The following CNNM1 variants were observed in gnomAD, a reference collection of about 807,000 sequenced individuals.
CNNM1 encodes metal transporter CNNM1.
A neutral mutation model predicts 78.8 loss-of-function variants in CNNM1; 44 were observed. The ratio of observed to expected loss-of-function variants is 0.56; its 90% CI spans 0.44 to 0.72. The LOEUF is 0.72. Among genes scored for constraint, CNNM1 ranks in the 30% least tolerant of loss-of-function variants. The pLI, the probability that CNNM1 is intolerant of heterozygous loss-of-function variation, is 0.00. For synonymous variants in CNNM1, 584 were observed against 581.5 expected, an observed-to-expected ratio of 1.00 and a Z score of -0.06; for missense variants, 1,101 against 1,292.2, an observed-to-expected ratio of 0.85 and a Z score of 2.27.
chr10:99,376,579 T>C (rs147425393), intron 6 of CNNM1, among the ~76,000 whole-genome samples: 1 of 152,272 alleles, frequency 6.6e-6, no homozygotes, highest in East Asian at 1.9e-4. Flanking sequence ...AAATAAGGTT[T>C]GTGATTGGAG....
intron 6 of CNNM1, among the ~76,000 whole-genome samples, chr10:99,366,430 T>C (rs539270894): frequency 6.6e-6 from 1 of 151,296 alleles, no homozygotes; most frequent in African/African-American, 2.4e-5. Flanking sequence ...AAAAAAGACC[T>C]ACATATGGCT....
At chr10:99,371,073 C>G (rs2031786624) in intron 6 of CNNM1, among the ~76,000 whole-genome samples, 1 of 152,184 alleles carries the variant, frequency 6.6e-6, no homozygotes, top group South Asian at 2.1e-4. Flanking sequence ...TGGGACCTTG[C>G]TGTACCTCTG....
At chr10:99,378,826 TC>T (rs1307302528) in intron 7 of CNNM1, among the ~76,000 whole-genome samples, 3 of 152,140 alleles carry the variant, frequency 2.0e-5, no homozygotes, top group African/African-American at 7.2e-5. Context: ...GCCTCCAGAA[TC>T]CAAGCCCTGA....
At chr10:99,344,676 C>T (rs2030607115) in intron 1 of CNNM1, among the ~76,000 whole-genome samples, 1 of 152,094 alleles carries the variant, frequency 6.6e-6, no homozygotes, top group Admixed American at 6.5e-5. Flanking sequence ...TCACTCTGCT[C>T]TTCCTCAGAC....
chr10:99,356,582 AAGAAAG>A (rs1306087934), intron 1 of CNNM1, among the ~76,000 whole-genome samples: 1 of 125,006 alleles, frequency 8.0e-6, no homozygotes, highest in Non-Finnish European at 1.7e-5. Flanking sequence ...GAAAGAAAGA[AAGAAAG>A]AAAGAAAGAA....
intron 7 of CNNM1, among the ~76,000 whole-genome samples, chr10:99,385,373 T>A (rs1470753636): frequency 6.6e-6 from 1 of 152,152 alleles, no homozygotes; most frequent in Non-Finnish European, 1.5e-5. Flanking sequence ...TACTTTCCCT[T>A]TTGCTTTATT....
At position 99,347,365 on chromosome 10, in the gene CNNM1, A is replaced by G. The variant is rs553830982; in HGVS notation, c.1574-10147A>G. On this transcript the variant is annotated intron_variant, in intron 1 of 10. Coordinates refer to ENST00000356713, the MANE Select transcript of CNNM1 (RefSeq NM_020348.3). ...GAAACCCCATCTCTACTAAAAATAC[A>G]AAAAAATTAGACTGGCATGGTGGCA... Among the ~76,000 whole-genome samples, 13 of 151,878 alleles carry G rather than the reference A, an allele frequency of 8.6e-5. No individual in the cohort carries two copies. In the South Asian group the frequency reaches 2.7e-3, roughly 32 times the overall value.
intron 4 of CNNM1, 132 bp downstream of exon 4, chr10:99,362,528 G>A: frequency 2.3e-6 from 2 of 852,128 alleles, no homozygotes; most frequent in Non-Finnish European, 3.6e-6. Context: ...CAGCTGGGTG[G>A]ACATTTCTTC....
At chr10:99,354,290 G>A (rs937112525) in intron 1 of CNNM1, among the ~76,000 whole-genome samples, 4 of 152,144 alleles carry the variant, frequency 2.6e-5, no homozygotes, top group Admixed American at 1.3e-4. Flanking sequence ...GCCAAACTGG[G>A]TAGGATGTAG....
chr10:99,329,483 T>G lies in CNNM1; in HGVS notation c.96T>G (p.Ser32=). The change falls in exon 1 of 11, where the codon TCT becomes TCG. Residue 32 remains serine, a synonymous_variant. Transcript: ENST00000356713. ...GAVLLLFFSL[S]PRPPAAAAWL... is the part of the protein sequence containing the mutation. ...TGCTCCTGCTCTTCTTTTCCCTGTC[T>G]CCTCGGCCCCCGGCCGCCGCCGCCT... is the stretch of plus-strand genomic sequence containing the variant. 2.7e-6 allele frequency: 4 copies of G among 1,491,990 alleles called. No homozygotes were observed. The highest frequency in any genetic ancestry group is 3.6e-6 in the Non-Finnish European group (4 of 1,117,888). The allele number at this position is 1,491,990 out of a possible 1,614,324, so 92.4% of individuals were successfully genotyped here. A position where few individuals can be genotyped will look rare whatever the true frequency, so the allele number is the denominator to read the frequency against.
At chr10:99,339,403 T>C (rs1164373053) in intron 1 of CNNM1, among the ~76,000 whole-genome samples, 5 of 152,216 alleles carry the variant, frequency 3.3e-5, no homozygotes, top group African/African-American at 1.2e-4. Context: ...CAGGGGTCCC[T>C]AACCCCCAGA....
In CNNM1 at chr10:99,356,562, C is replaced by CAGAAAGAAAGAAAGAAAAGAAAGAA. The variant is rs1554940019; in HGVS notation, c.1574-933_1574-932insAGAAAGAAAGAAAGAAAGAAAGAAA. ...AAAGACAGACAGACAGACAGACAGA[C>CAGAAAGAAAGAAAGAAAAGAAAGAA]AGAAAGAAAGAAAGAAAGAAAGAAA... On this transcript the variant is annotated intron_variant, in intron 1 of 10. Coordinates refer to ENST00000356713, the MANE Select transcript of CNNM1 (RefSeq NM_020348.3). Among the ~76,000 whole-genome samples the CAGAAAGAAAGAAAGAAAAGAAAGAA allele has an allele frequency of 3.0e-3, 292 of 98,528 alleles. 1 individual carries two copies. Among genetic ancestry groups the CAGAAAGAAAGAAAGAAAAGAAAGAA allele is most frequent in the Non-Finnish European group, 4.5e-3 (218 of 47,934 alleles). 64.6% of individuals were successfully genotyped at this position (98,528 alleles called of 152,430 possible).
intron 2 of CNNM1, among the ~76,000 whole-genome samples, chr10:99,360,493 A>G (rs532165384): frequency 1.2e-4 from 18 of 152,332 alleles, no homozygotes; most frequent in African/African-American, 4.1e-4. Flanking sequence ...GCTATATTAA[A>G]TATTATTAGC....
At chr10:99,387,400 A>G (rs1006997519) in intron 7 of CNNM1, among the ~76,000 whole-genome samples, 3 of 152,196 alleles carry the variant, frequency 2.0e-5, no homozygotes, top group Non-Finnish European at 4.4e-5. Flanking sequence ...GCTTCCCGAC[A>G]CTGAGACCTA....
intron 1 of CNNM1, among the ~76,000 whole-genome samples, chr10:99,356,106 G>T (rs548972012): frequency 6.6e-6 from 1 of 152,182 alleles, no homozygotes; most frequent in African/African-American, 2.4e-5. Context: ...AAGTACAGCG[G>T]GAATGGCTTA....
At chr10:99,338,025 T>C (rs1941533534) in intron 1 of CNNM1, among the ~76,000 whole-genome samples, 1 of 152,210 alleles carries the variant, frequency 6.6e-6, no homozygotes, top group Non-Finnish European at 1.5e-5. Flanking sequence ...TGCTAAGAGT[T>C]AGGGGTATGA....
chr10:99,384,224 C>T (rs1302644113), intron 7 of CNNM1, among the ~76,000 whole-genome samples: 1 of 152,070 alleles, frequency 6.6e-6, no homozygotes, highest in Non-Finnish European at 1.5e-5. Flanking sequence ...GAAGTGATAC[C>T]CGAACCTAGA....
rs1253858359 is a variant in CNNM1, at chr10:99,329,691, T to G, written c.304T>G (p.Trp102Gly). 3 of 1,551,616 alleles carry G rather than the reference T, an allele frequency of 1.9e-6. No individual in the cohort carries two copies. The East Asian group carries it at 7.6e-5, about 39-fold the overall frequency. ...CTCGGGGGAGAATGGCACCGGCGAC[T>G]GGGCTCCGCGGCTCGTGTTCATCGA... ...LNSGENGTGDWAPRLVFIEEP... is the reference protein window; with the variant it reads ...LNSGENGTGDGAPRLVFIEEP... The change falls in exon 1 of 11, where the codon TGG (tryptophan) becomes GGG (glycine). Residue 102 changes from tryptophan to glycine, a missense_variant. By Grantham distance (184) the Trp-to-Gly change is radical. Transcript: ENST00000356713.
Position 99,391,692 on chromosome 10 carries a change from T to G in CNNM1, c.*176T>G. ...GCAGATTTTCCCTCGTTACCTCCAG[T>G]TCGACTCAGAACCTTGACATGGCCA... On this transcript the variant is annotated 3_prime_UTR_variant, in exon 11 of 11. Transcript: ENST00000356713. 1 of 588,082 alleles carries G rather than the reference T, an allele frequency of 1.7e-6. No homozygotes were observed. Among genetic ancestry groups the G allele is most frequent in the Non-Finnish European group, 3.0e-6 (1 of 329,450 alleles). 36.4% of individuals were successfully genotyped at this position (588,082 alleles called of 1,614,324 possible). A position where few individuals can be genotyped will look rare whatever the true frequency, so the allele number is the denominator to read the frequency against.
Sources: allele counts gnomAD v4.1 joint callset (sites outside exome capture counted in the v4.1 genomes callset), GRCh38; gene constraint gnomAD v4.1.1; transcripts MANE v1.5; gene names NCBI Gene and HGNC (gene_info 2026-07-23, HGNC 2026-07-21).